SPATA31D1: variants seen among roughly 807,000 people sequenced by gnomAD.
The protein encoded by SPATA31D1 is SPATA31 subfamily D member 1.
A neutral mutation model predicts 13.2 loss-of-function variants in SPATA31D1; 6 were observed. The observed-to-expected ratio is 0.46, with a 90% CI of 0.25 to 0.90. The LOEUF (loss-of-function observed/expected upper bound fraction) is 0.90. Ranked by LOEUF, SPATA31D1 falls within the 40% of genes least tolerant of loss-of-function variation. SPATA31D1 has a pLI of 0.18. For synonymous variants in SPATA31D1, 903 were observed against 718.8 expected (o/e 1.26, Z -4.10); for missense variants, 2,445 against 1,884.7 (o/e 1.30, Z -5.50).
In SPATA31D1 at chr9:81,992,833, G is replaced by A. The variant is rs376249496; in HGVS notation, c.2363G>A (p.Gly788Asp). The change falls in exon 4 of 4, where the codon GGT (glycine) becomes GAT (aspartate). Residue 788 changes from glycine to aspartate, a missense_variant. Coordinates refer to ENST00000344803, the MANE Select transcript of SPATA31D1 (RefSeq NM_001001670.3). ...GTCCCAAAAGATCACCTGTTGCATG[G>A]TCCGGAGACTTCTTCAGACAAGGAT... ...ETVPKDHLLHGPETSSDKDLR... is the reference protein window; with the variant it reads ...ETVPKDHLLHDPETSSDKDLR... 11 of 1,613,670 alleles carry A rather than the reference G, an allele frequency of 6.8e-6. No individual in the cohort carries two copies. The highest frequency in any genetic ancestry group is 2.2e-5 in the East Asian group (1 of 44,880).
upstream of SPATA31D1, chr9:81,988,771 G>T: frequency 6.2e-7 from 1 of 1,611,558 alleles, no homozygotes; most frequent in Non-Finnish European, 8.5e-7. Flanking sequence ...AGTTAAGCCT[G>T]GGCACCCTCA....
chr9:81,990,654 G>A, intron 3 of SPATA31D1, 119 bp from the exon 4 acceptor site: 1 of 1,370,994 alleles, frequency 7.3e-7, no homozygotes, highest in East Asian at 2.5e-5. Context: ...TGAGGTCATA[G>A]GACCTCATAT....
chr9:81,989,402 G>T (rs545581494), intron 1 of SPATA31D1, among the ~76,000 whole-genome samples: 65 of 152,188 alleles, frequency 4.3e-4, no homozygotes, highest in Non-Finnish European at 8.7e-4. Context: ...CTTCCTTCGT[G>T]TTGGGCTGAC....
At chr9:81,989,498 T>G (rs1824911199) in intron 1 of SPATA31D1, among the ~76,000 whole-genome samples, 1 of 152,190 alleles carries the variant, frequency 6.6e-6, no homozygotes, top group Non-Finnish European at 1.5e-5. Context: ...GGAGCACAGA[T>G]GTGACTGTTG....
intron 1 of SPATA31D1, among the ~76,000 whole-genome samples, chr9:81,989,274 G>A (rs1824906064): frequency 6.6e-6 from 1 of 152,182 alleles, no homozygotes; most frequent in Admixed American, 6.5e-5. Context: ...CCCAAACACA[G>A]TAATTCTGTG....
Position 81,988,992 on chromosome 9 carries a change from T to C in SPATA31D1, c.174T>C (p.Asn58=). 1 of 1,611,728 alleles carries C rather than the reference T, an allele frequency of 6.2e-7. No individual in the cohort carries two copies. The highest frequency in any genetic ancestry group is 8.5e-7 in the Non-Finnish European group (1 of 1,179,668). ...TLYSSPTEKN[N]DIQKHQGRAK... is the part of the protein sequence containing the mutation. ...ATTCGTCACCCACCGAAAAAAATAA[T>C]GACATCCAAAAGGTAAGGAACTGTG... is the stretch of plus-strand genomic sequence containing the variant. Residue 58 remains asparagine, a synonymous_variant, in exon 1 of 4, where the codon AAT becomes AAC. Coordinates refer to ENST00000344803, the MANE Select transcript of SPATA31D1 (RefSeq NM_001001670.3).
In SPATA31D1 at chr9:81,991,767, A is replaced by G; in HGVS notation, c.1297A>G (p.Lys433Glu). The change falls in exon 4 of 4, where the codon AAG becomes GAG. Residue 433 changes from lysine to glutamate, a missense_variant. Transcript: ENST00000344803. Reference protein sequence around the residue: ...GDFLMWKENGKKPGSFPKQLR... With the variant: ...GDFLMWKENGEKPGSFPKQLR... ...TTTCCTGATGTGGAAAGAAAATGGA[A>G]AGAAACCAGGATCATTCCCAAAACA... is the stretch of plus-strand genomic sequence containing the variant. The G allele has an allele frequency of 6.2e-7, 1 of 1,613,818 alleles. No homozygotes were observed. The highest frequency in any genetic ancestry group is 1.7e-4 in the Middle Eastern group (1 of 6,056).
rs745357949 is a variant in SPATA31D1 at position 81,993,685 on chromosome 9, A to T, written c.3215A>T (p.Asp1072Val). 5.6e-6 allele frequency: 9 copies of T among 1,613,904 alleles called. No individual in the cohort carries two copies. Among genetic ancestry groups the T allele is most frequent in the Middle Eastern group, 1.6e-4 (1 of 6,084 alleles). ...GTLRREFSDT[D>V]NDLTESVRTT... ...CTGAGAAGAGAATTCTCTGATACTG[A>T]CAATGATCTTACAGAAAGTGTCCGG... is the stretch of plus-strand genomic sequence containing the variant. Residue 1072 changes from aspartate to valine, a missense_variant, in exon 4 of 4, where the codon GAC becomes GTC. Coordinates refer to ENST00000344803, the MANE Select transcript of SPATA31D1 (RefSeq NM_001001670.3).
In SPATA31D1 at chr9:81,994,424, A is replaced by G; in HGVS notation, c.3954A>G (p.Arg1318=). 2 of 1,613,786 alleles carry G rather than the reference A, an allele frequency of 1.2e-6. No individual in the cohort carries two copies. The change falls in exon 4 of 4, where the codon AGA becomes AGG. Residue 1318 remains arginine, a synonymous_variant. Coordinates refer to ENST00000344803, the MANE Select transcript of SPATA31D1 (RefSeq NM_001001670.3). ...DAGLGTSQRR[R]KSLPVHNKTS... ...GGCTGGGGACATCCCAACGCAGGAGAAAGAGCCTCCCTGTTCATAACAAGA... is the reference window on the plus strand; with the variant it reads ...GGCTGGGGACATCCCAACGCAGGAGGAAGAGCCTCCCTGTTCATAACAAGA...
At chr9:81,989,880 G>T (rs1824917817) in intron 2 of SPATA31D1, 57 bp downstream of exon 2, 1 of 1,579,022 alleles carries the variant, frequency 6.3e-7, no homozygotes, top group African/African-American at 1.4e-5. Context: ...TCTCTTTCAT[G>T]ATGACTCAGT....
chr9:81,993,365 T>A lies in SPATA31D1; in HGVS notation c.2895T>A (p.Ser965Arg), dbSNP rs749581299. 3.1e-6 allele frequency: 5 copies of A among 1,613,960 alleles called. No homozygotes were observed. Among genetic ancestry groups the A allele is most frequent in the Admixed American group, 3.3e-5 (2 of 60,020 alleles). ...AAGATGGGGTCTCTAAGTCCCGTAG[T>A]CGAAGCACTTTTCAAGGAGAAAAGT... ...DSKDGVSKSR[S>R]RSTFQGEKLG... The change falls in exon 4 of 4, where the codon AGT (serine) becomes AGA (arginine). Residue 965 changes from serine (S) to arginine (R), a missense_variant. Ser to Arg is a moderately radical substitution (Grantham distance 110). Transcript: ENST00000344803.
chr9:81,988,797 A>G lies in SPATA31D1; in HGVS notation c.-22A>G, dbSNP rs564072613. The G allele has an allele frequency of 8.5e-5, 137 of 1,612,076 alleles. No individual in the cohort carries two copies. In the South Asian group the frequency reaches 1.3e-3, roughly 15 times the overall value. On this transcript the variant is annotated 5_prime_UTR_variant, in exon 1 of 4. Transcript: ENST00000344803. The stretch of plus-strand genomic sequence containing the variant: ...GGCACCCTCAGTGCTCAGTTGCTTC[A>G]GGCAGCTGAGCTATTCAGACCATGG...
At position 81,994,271 on chromosome 9, in the gene SPATA31D1, A is replaced by T; in HGVS notation, c.3801A>T (p.Ala1267=). ...VHLEDSGIRV[A]QKQEPRVPTC... ...TGGAGGACAGCGGAATCCGTGTGGC[A>T]CAGAAGCAGGAGCCCAGGGTCCCTA... Residue 1267 remains alanine, a synonymous_variant, in exon 4 of 4, where the codon GCA becomes GCT. Coordinates refer to ENST00000344803, the MANE Select transcript of SPATA31D1 (RefSeq NM_001001670.3). 6.2e-7 allele frequency: 1 copy of T among 1,614,014 alleles called. No individual in the cohort carries two copies. Among genetic ancestry groups the T allele is most frequent in the South Asian group, 1.1e-5 (1 of 91,080 alleles).
rs1824927689 is a variant in SPATA31D1 at position 81,990,433 on chromosome 9, A to G, written c.249A>G (p.Lys83=). ...ACTATTCAGGTTTCCCAGACTGGAAAAGTTTCCAGAGAGAAGAGGAAGAGG... is the reference window on the plus strand; with the variant it reads ...ACTATTCAGGTTTCCCAGACTGGAAGAGTTTCCAGAGAGAAGAGGAAGAGG... ...GGTFKGFPDW[K]SFQREEEEER... is the part of the protein sequence containing the mutation. The change falls in exon 3 of 4, where the codon AAA becomes AAG. Residue 83 remains lysine (K), a synonymous_variant. Transcript: ENST00000344803. 1.2e-6 allele frequency: 2 copies of G among 1,608,016 alleles called. No individual in the cohort carries two copies. Among genetic ancestry groups the G allele is most frequent in the East Asian group, 2.2e-5 (1 of 44,796 alleles).
Position 81,991,633 on chromosome 9 carries a change from C to G in SPATA31D1, c.1163C>G (p.Ala388Gly), listed in dbSNP as rs1265790392. ...EELLTLHSSE[A>G]FLGGHSVANL... is the part of the protein sequence containing the mutation. ...CTTCTTACCCTTCATTCTTCTGAGG[C>G]CTTTTTAGGGGGGCACTCTGTGGCC... is the stretch of plus-strand genomic sequence containing the variant. The change falls in exon 4 of 4, where the codon GCC (alanine) becomes GGC (glycine). Residue 388 changes from alanine to glycine, a missense_variant. Transcript: ENST00000344803. 2.5e-6 allele frequency: 4 copies of G among 1,613,814 alleles called. No individual in the cohort carries two copies. The highest frequency in any genetic ancestry group is 3.4e-6 in the Non-Finnish European group (4 of 1,179,888).
intron 1 of SPATA31D1, among the ~76,000 whole-genome samples, chr9:81,989,245 G>A (rs1431065335): frequency 2.6e-5 from 4 of 152,184 alleles, no homozygotes; most frequent in Admixed American, 6.5e-5. Flanking sequence ...GGCTGTGGTG[G>A]AGAGTTCCAG....
In SPATA31D1 at chr9:81,991,468, C is replaced by G; in HGVS notation, c.998C>G (p.Ser333Cys). The stretch of plus-strand genomic sequence containing the variant: ...CCGGAAATGTTATCTCTAGGTGGCT[C>G]TGGTGGGTCATCCACCTCTGCCCCA... The part of the protein sequence containing the change: ...TFPEMLSLGG[S>C]GGSSTSAPTI... The change falls in exon 4 of 4, where the codon TCT (serine) becomes TGT (cysteine). Residue 333 changes from serine to cysteine, a missense_variant. Transcript: ENST00000344803. The G allele has an allele frequency of 6.2e-7, 1 of 1,614,020 alleles. No individual in the cohort carries two copies. The highest frequency in any genetic ancestry group is 8.5e-7 in the Non-Finnish European group (1 of 1,179,896).
chr9:81,988,254 T>G (rs1388918513), upstream of SPATA31D1, among the ~76,000 whole-genome samples: 1 of 152,232 alleles, frequency 6.6e-6, no homozygotes, highest in Non-Finnish European at 1.5e-5. Flanking sequence ...TCACTCTGAT[T>G]GGAAATAGTA....
In SPATA31D1 at chr9:81,993,493, C is replaced by A. The variant is rs767994748; in HGVS notation, c.3023C>A (p.Thr1008Asn). 1 of 1,613,894 alleles carries A rather than the reference C, an allele frequency of 6.2e-7. No homozygotes were observed. Among genetic ancestry groups the A allele is most frequent in the Non-Finnish European group, 8.5e-7 (1 of 1,179,862 alleles). The change falls in exon 4 of 4, where the codon ACT becomes AAT. Residue 1008 changes from threonine (T) to asparagine (N), a missense_variant. By Grantham distance (65) the Thr-to-Asn change is moderately conservative. Coordinates refer to ENST00000344803, the MANE Select transcript of SPATA31D1 (RefSeq NM_001001670.3). ...QGTLRRQFSD[T>N]DHDLIETDSK... ...ACCCTGAGAAGACAATTTTCTGATA[C>A]TGACCATGACCTTATAGAGACAGAT...
Sources: allele counts gnomAD v4.1 joint callset (sites outside exome capture counted in the v4.1 genomes callset), GRCh38; gene constraint gnomAD v4.1.1; transcripts MANE v1.5; gene names NCBI Gene and HGNC (gene_info 2026-07-23, HGNC 2026-07-21).